Variants in IQUB observed in about 807,000 individuals in gnomAD.
IQUB encodes IQ motif and ubiquitin-like domain-containing protein.
A neutral mutation model predicts 86.4 loss-of-function variants in IQUB; 86 were observed. That is an observed-to-expected ratio of 1.00 (90% confidence interval 0.84 to 1.19). The LOEUF is 1.19. IQUB is among the 50% of genes most tolerant of loss of function. IQUB has a pLI of 0.00. For missense variants in IQUB, 946 were observed against 916.9 expected (o/e 1.03, Z -0.41); for synonymous variants, 289 against 304.5 (o/e 0.95, Z 0.53).
chr7:123,496,548 G>A (rs1795712785), intron 7 of IQUB, 148 bp downstream of exon 7: 3 of 535,010 alleles, frequency 5.6e-6, no homozygotes. Flanking sequence ...CAAATATAAA[G>A]TGGTATTCAT....
chr7:123,473,575 T>C (rs769677025), intron 8 of IQUB, among the ~76,000 whole-genome samples: 3 of 151,306 alleles, frequency 2.0e-5, no homozygotes, highest in Non-Finnish European at 4.4e-5. Flanking sequence ...TGTTTTTTTG[T>C]TTTTTGTTTT....
At chr7:123,506,416 G>T (rs1451636481) in intron 3 of IQUB, among the ~76,000 whole-genome samples, 2 of 152,088 alleles carry the variant, frequency 1.3e-5, no homozygotes, top group Non-Finnish European at 2.9e-5. Context: ...CTTAAGATTG[G>T]GTAATTTTTA....
In IQUB at chr7:123,479,955, T is replaced by C; in HGVS notation, c.1250A>G (p.Glu417Gly). 1.2e-6 allele frequency: 2 copies of C among 1,608,260 alleles called. No homozygotes were observed. The highest frequency in any genetic ancestry group is 1.7e-6 in the Non-Finnish European group (2 of 1,178,174). Reference sequence around the variant, plus strand: ...AAAAGATTGGTTAATACGTGTAAGTTCTTCTTGCCGCCAGACTAGAGGAAT... The same window carrying C: ...AAAAGATTGGTTAATACGTGTAAGTCCTTCTTGCCGCCAGACTAGAGGAAT... ...YNALEFWRQE[E>G]LTRINQSFTG... Residue 417 changes from glutamate (E) to glycine (G), a missense_variant, in exon 8 of 13, where the codon GAA becomes GGA. Coordinates refer to ENST00000324698, the MANE Select transcript of IQUB (RefSeq NM_178827.5).
At position 123,452,890 on chromosome 7, in the gene IQUB, G is replaced by C. The variant is rs764231138; in HGVS notation, c.2229C>G (p.His743Gln). The change falls in exon 13 of 13, where the codon CAC (histidine) becomes CAG (glutamine). Residue 743 changes from histidine to glutamine, a missense_variant. Physicochemically the swap from His to Gln is conservative, Grantham distance 24. Transcript: ENST00000324698. ...YERSFIHKIK[H>Q]KHILAKNYFS... Reference sequence around the variant, plus strand: ...AATAGTTCTTAGCCAGGATATGTTTGTGTTTGATCTTGTGAATAAATGAGC... The same window carrying C: ...AATAGTTCTTAGCCAGGATATGTTTCTGTTTGATCTTGTGAATAAATGAGC... 6.2e-7 allele frequency: 1 copy of C among 1,612,642 alleles called. No individual in the cohort carries two copies. Among genetic ancestry groups the C allele is most frequent in the South Asian group, 1.1e-5 (1 of 90,958 alleles).
At position 123,510,108 on chromosome 7, in the gene IQUB, G is replaced by T. The variant is rs980709467; in HGVS notation, c.398-73C>A. 6 of 919,892 alleles carry T rather than the reference G, an allele frequency of 6.5e-6. No individual in the cohort carries two copies. The African/African-American group carries it at 8.4e-5, about 13-fold the overall frequency. The allele number at this position is 919,892 out of a possible 1,614,324, so 57.0% of individuals were successfully genotyped here. The stretch of plus-strand genomic sequence containing the variant: ...GTCAGCAAACTACAGTCCACAAACA[G>T]ATACAGAATTATGTGTTAATTTTTA... On this transcript the variant is annotated intron_variant, in intron 2 of 12. Coordinates refer to ENST00000324698, the MANE Select transcript of IQUB (RefSeq NM_178827.5).
At chr7:123,496,628 A>G in intron 7 of IQUB, 68 bp downstream of exon 7, 1 of 933,576 alleles carries the variant, frequency 1.1e-6, no homozygotes, top group Non-Finnish European at 1.6e-6. Flanking sequence ...TTTTGTCTGC[A>G]GTAAATCTGT....
At chr7:123,478,453 G>A (rs1437279867) in intron 8 of IQUB, among the ~76,000 whole-genome samples, 1 of 152,044 alleles carries the variant, frequency 6.6e-6, no homozygotes, top group Non-Finnish European at 1.5e-5. Context: ...GATAGCATTA[G>A]GAGAAATACC....
chr7:123,461,432 G>T lies in IQUB; in HGVS notation c.1932C>A (p.Tyr644Ter). 2 of 1,611,590 alleles carry T rather than the reference G, an allele frequency of 1.2e-6. No homozygotes were observed. The highest frequency in any genetic ancestry group is 1.7e-6 in the Non-Finnish European group (2 of 1,178,240). ...AGTAGAGCTGTTGAAGTAAACATTT[G>T]TACTTCAAAAATGATTCTCGTTTTT... ...EAQKRESFLK[Y>*]KCLLQQLYYT... Residue 644 changes from tyrosine to a stop codon, truncating the protein, a stop_gained, in exon 11 of 13, where the codon TAC becomes TAA. Transcript: ENST00000324698. LOFTEE classifies it high-confidence loss of function.
chr7:123,499,642 A>G (rs965777404), intron 6 of IQUB, among the ~76,000 whole-genome samples: 2 of 152,190 alleles, frequency 1.3e-5, no homozygotes, highest in Non-Finnish European at 2.9e-5. Context: ...GCAGAAAATG[A>G]AGAAAAGCCT....
At chr7:123,513,993 T>G (rs759647364) in intron 1 of IQUB, among the ~76,000 whole-genome samples, 4 of 152,148 alleles carry the variant, frequency 2.6e-5, no homozygotes, top group Non-Finnish European at 4.4e-5. Flanking sequence ...TCTTCAAAAC[T>G]GATAAAAGAA....
intron 10 of IQUB, 56 bp downstream of exon 10, chr7:123,464,777 T>C: frequency 8.2e-7 from 1 of 1,221,646 alleles, no homozygotes; most frequent in Non-Finnish European, 1.1e-6. Flanking sequence ...TACTTCAATT[T>C]ACTATACCAC....
Position 123,461,354 on chromosome 7 carries a change from T to A in IQUB, c.2007+3A>T. 14 of 1,604,506 alleles carry A rather than the reference T, an allele frequency of 8.7e-6. No individual in the cohort carries two copies. The highest frequency in any genetic ancestry group is 1.1e-5 in the Non-Finnish European group (13 of 1,173,324). ...TATAATTGGCACCCCTTATTGACCA[T>A]ACCTGCATCAAGAAAGCAATTTTAG... On this transcript the variant is annotated splice_donor_region_variant and intron_variant, in intron 11 of 12. Transcript: ENST00000324698.
intron 1 of IQUB, among the ~76,000 whole-genome samples, chr7:123,520,730 G>A (rs943549324): frequency 5.3e-5 from 8 of 152,104 alleles, no homozygotes; most frequent in Non-Finnish European, 1.0e-4. Context: ...TAGGACATTA[G>A]GAGTCTACTG....
chr7:123,462,493 T>C (rs921042397), intron 10 of IQUB, among the ~76,000 whole-genome samples: 1 of 151,790 alleles, frequency 6.6e-6, no homozygotes, highest in East Asian at 1.9e-4. Context: ...AAACACTCCA[T>C]CTTCCCAAAG....
At chr7:123,486,822 G>A (rs1795229478) in intron 7 of IQUB, among the ~76,000 whole-genome samples, 1 of 152,150 alleles carries the variant, frequency 6.6e-6, no homozygotes, top group African/African-American at 2.4e-5. Flanking sequence ...GGGCTTTGGA[G>A]TAGTCCTTAG....
At chr7:123,534,239 T>C (rs1413324983) in intron 1 of IQUB, among the ~76,000 whole-genome samples, 1 of 152,150 alleles carries the variant, frequency 6.6e-6, no homozygotes, top group Non-Finnish European at 1.5e-5. Context: ...GAGGTGTACC[T>C]CCTAGCTTGA....
chr7:123,477,341 G>C (rs1197452907), intron 8 of IQUB, among the ~76,000 whole-genome samples: 1 of 152,182 alleles, frequency 6.6e-6, no homozygotes, highest in African/African-American at 2.4e-5. Context: ...AATGGGGAAA[G>C]GATTCCCTAT....
intron 11 of IQUB, chr7:123,458,086 A>C (rs1313500855): frequency 6.6e-6 from 1 of 152,050 alleles, no homozygotes; most frequent in Non-Finnish European, 1.5e-5. Flanking sequence ...GGGCTGCTGA[A>C]GCAAACACAG....
chr7:123,495,099 ATC>A (rs1481543168), intron 7 of IQUB, among the ~76,000 whole-genome samples: 1 of 152,152 alleles, frequency 6.6e-6, no homozygotes, highest in African/African-American at 2.4e-5. Context: ...CTTTGTTATC[ATC>A]TGACAGAAAA....
Sources: allele counts gnomAD v4.1 joint callset (sites outside exome capture counted in the v4.1 genomes callset), GRCh38; gene constraint gnomAD v4.1.1; transcripts MANE v1.5; gene names NCBI Gene and HGNC (gene_info 2026-07-23, HGNC 2026-07-21).